Variants in PTPRD observed in about 807,000 individuals in gnomAD.
PTPRD encodes the protein receptor-type tyrosine-protein phosphatase delta.
Under a neutral mutation model 214.5 loss-of-function variants are expected in PTPRD, and 34 were observed. The observed-to-expected ratio is 0.16, with a 90% CI of 0.12 to 0.21. The LOEUF (loss-of-function observed/expected upper bound fraction) is 0.21. PTPRD is among the 10% of genes least tolerant of loss of function. The pLI, the probability that PTPRD is intolerant of heterozygous loss-of-function variation, is 1.00. For missense variants in PTPRD, 2,545 were observed against 2,398.7 expected (o/e 1.06, Z -1.27); for synonymous variants, 1,128 against 845.7 (o/e 1.33, Z -5.79).
chr9:9,216,186 T>C (rs2099952075), intron 9 of PTPRD, among the ~76,000 whole-genome samples: 5 of 152,144 alleles, frequency 3.3e-5, no homozygotes, highest in Admixed American at 3.3e-4. Context: ...CTGTAAAAAT[T>C]GCATATGCTT....
intron 11 of PTPRD, among the ~76,000 whole-genome samples, chr9:8,974,542 C>T (rs10977418): frequency 0.33 from 50,366 of 151,654 alleles, 9,526 homozygotes; most frequent in East Asian, 0.76. Context: ...TGCTACTTTT[C>T]GAAGGCCAAG....
At chr9:9,133,313 G>A (rs78596100) in intron 10 of PTPRD, among the ~76,000 whole-genome samples, 2 of 152,134 alleles carry the variant, frequency 1.3e-5, no homozygotes, top group Admixed American at 6.5e-5. Context: ...GGCTTGGCAA[G>A]TTTCCTAAAA....
intron 14 of PTPRD, among the ~76,000 whole-genome samples, chr9:8,614,120 G>A (rs932865114): frequency 6.6e-6 from 1 of 151,952 alleles, no homozygotes; most frequent in Non-Finnish European, 1.5e-5. Context: ...ATACATTATT[G>A]GTAAATGTCA....
At chr9:10,240,906 A>G (rs896931280) in intron 3 of PTPRD, among the ~76,000 whole-genome samples, 1 of 151,850 alleles carries the variant, frequency 6.6e-6, no homozygotes, top group Admixed American at 6.6e-5. Flanking sequence ...TGCTCATTAA[A>G]AGATACATTA....
intron 9 of PTPRD, among the ~76,000 whole-genome samples, chr9:9,233,431 CA>C (rs2099964447): frequency 1.3e-5 from 2 of 152,262 alleles, no homozygotes; most frequent in South Asian, 4.1e-4. Flanking sequence ...GACACCGAGC[CA>C]AACCATATCA....
intron 11 of PTPRD, among the ~76,000 whole-genome samples, chr9:8,787,532 T>C (rs955931749): frequency 6.6e-6 from 1 of 152,094 alleles, no homozygotes; most frequent in African/African-American, 2.4e-5. Flanking sequence ...ATAATCTATA[T>C]TGGTTAAAAA....
At chr9:9,886,118 C>A (rs574774207) in intron 5 of PTPRD, among the ~76,000 whole-genome samples, 167 of 152,094 alleles carry the variant, frequency 1.1e-3, no homozygotes, top group African/African-American at 3.9e-3. Context: ...CCAGCCACTT[C>A]CGGAAAAAGA....
At chr9:9,232,576 T>G (rs1048065493) in intron 9 of PTPRD, among the ~76,000 whole-genome samples, 3 of 152,198 alleles carry the variant, frequency 2.0e-5, no homozygotes, top group Non-Finnish European at 4.4e-5. Context: ...AAATACCAGT[T>G]CTTTTTGAAT....
At chr9:9,027,646 A>G (rs2099591637) in intron 10 of PTPRD, among the ~76,000 whole-genome samples, 1 of 151,926 alleles carries the variant, frequency 6.6e-6, no homozygotes, top group South Asian at 2.1e-4. Flanking sequence ...TAATAAAATC[A>G]GAGTACATTT....
chr9:9,054,386 G>A (rs1319700671), intron 10 of PTPRD, among the ~76,000 whole-genome samples: 3 of 152,026 alleles, frequency 2.0e-5, no homozygotes, highest in African/African-American at 7.2e-5. Flanking sequence ...AAAATTTTTT[G>A]GTATTATTCA....
intron 2 of PTPRD, among the ~76,000 whole-genome samples, chr9:10,606,860 A>G (rs2079545449): frequency 6.6e-6 from 1 of 151,966 alleles, no homozygotes; most frequent in African/African-American, 2.4e-5. Flanking sequence ...TAAAATCTAT[A>G]ATTCACAGAA....
At chr9:10,045,553 GTA>G (rs938356505) in intron 3 of PTPRD, among the ~76,000 whole-genome samples, 3 of 151,576 alleles carry the variant, frequency 2.0e-5, no homozygotes, top group Admixed American at 6.6e-5. Context: ...GCCTTTAGGT[GTA>G]TATGTTTCAG....
At chr9:9,514,815 A>C (rs2096794668) in intron 8 of PTPRD, among the ~76,000 whole-genome samples, 1 of 151,988 alleles carries the variant, frequency 6.6e-6, no homozygotes, top group South Asian at 2.1e-4. Context: ...CCTTTGCAGC[A>C]CCGTAAAAAA....
intron 14 of PTPRD, among the ~76,000 whole-genome samples, chr9:8,602,607 C>T (rs550899599): frequency 6.6e-6 from 1 of 152,298 alleles, no homozygotes; most frequent in African/African-American, 2.4e-5. Flanking sequence ...ACCAAAACGG[C>T]CTTCAACATC....
intron 12 of PTPRD, 112 bp downstream of exon 12, chr9:8,733,668 T>C: frequency 1.8e-6 from 2 of 1,138,988 alleles, no homozygotes; most frequent in Non-Finnish European, 2.6e-6. Flanking sequence ...CCGCAGTGTC[T>C]CAGGATTTAC....
chr9:9,934,339 AAAG>A (rs1481470752), intron 5 of PTPRD, among the ~76,000 whole-genome samples: 6 of 150,990 alleles, frequency 4.0e-5, no homozygotes, highest in African/African-American at 1.5e-4. Context: ...CAAGACTAAT[AAAG>A]AAGAAAAGAG....
At chr9:8,541,580 G>A (rs1204728873) in intron 14 of PTPRD, among the ~76,000 whole-genome samples, 2 of 152,192 alleles carry the variant, frequency 1.3e-5, no homozygotes, top group South Asian at 2.1e-4. Context: ...TCCCAGGGCT[G>A]CTCTCAAACT....
In PTPRD at chr9:10,482,370, CAATA is replaced by C. The variant is rs957754910; in HGVS notation, c.-600+130024_-600+130027del. The stretch of plus-strand genomic sequence containing the variant: ...TGGGCGACAGAGCAAGACTCCGTTT[CAATA>C]AATAAATAAATAAATAAGTAAATAA... On this transcript the variant is annotated intron_variant, in intron 2 of 45. Transcript: ENST00000381196. Among the ~76,000 whole-genome samples the C allele has an allele frequency of 3.1e-4, 47 of 151,500 alleles. No individual in the cohort carries two copies. In the East Asian group the frequency reaches 4.8e-3, roughly 16 times the overall value.
chr9:9,505,218 G>A (rs184132986), intron 8 of PTPRD, among the ~76,000 whole-genome samples: 1 of 151,572 alleles, frequency 6.6e-6, no homozygotes, highest in African/African-American at 2.4e-5. Flanking sequence ...TACCACAATG[G>A]TTTCATTTAG....
Sources: allele counts gnomAD v4.1 joint callset (sites outside exome capture counted in the v4.1 genomes callset), GRCh38; gene constraint gnomAD v4.1.1; transcripts MANE v1.5; gene names NCBI Gene and HGNC (gene_info 2026-07-23, HGNC 2026-07-21).